MCC: variants seen among roughly 807,000 people sequenced by gnomAD.
MCC encodes MCC regulator of Wnt signaling pathway.
Under a neutral mutation model 116.2 loss-of-function variants are expected in MCC, and 90 were observed. That is an observed-to-expected ratio of 0.77 (90% CI 0.65 to 0.92). The LOEUF (loss-of-function observed/expected upper bound fraction) is 0.92. Among genes scored for constraint, MCC ranks in the 40% least tolerant of loss-of-function variants. The pLI, the probability that MCC is intolerant of heterozygous loss-of-function variation, is 0.00. For synonymous variants in MCC, 578 were observed against 510.5 expected (o/e 1.13, Z -1.78); for missense variants, 1,516 against 1,312.2 (o/e 1.16, Z -2.40).
chr5:113,181,779 C>G (rs1761640720), intron 3 of MCC, among the ~76,000 whole-genome samples: 1 of 152,074 alleles, frequency 6.6e-6, no homozygotes, highest in Non-Finnish European at 1.5e-5. Context: ...ATTACAAAAC[C>G]AAAAATAGAA....
Position 113,053,976 on chromosome 5 carries a change from A to G in MCC, c.2214-17T>C, listed in dbSNP as rs1752653648. The G allele has an allele frequency of 6.4e-7, 1 of 1,562,622 alleles. No individual in the cohort carries two copies. The highest frequency in any genetic ancestry group is 1.4e-5 in the African/African-American group (1 of 73,828). On this transcript the variant is annotated splice_polypyrimidine_tract_variant and intron_variant, in intron 14 of 18. Transcript: ENST00000408903. ...CTGGTTGTGCTGAGAAAGAAGAAAA[A>G]CAAAGACCCACCACCCTGTGTTATT... is the stretch of plus-strand genomic sequence containing the variant.
intron 16 of MCC, among the ~76,000 whole-genome samples, chr5:113,045,314 G>A (rs961365509): frequency 5.3e-5 from 8 of 151,834 alleles, no homozygotes; most frequent in African/African-American, 1.9e-4. Context: ...GCTTTTTAAA[G>A]AAGCATAAGC....
chr5:113,424,182 C>CACATTCT (rs1177459250), intron 1 of MCC, among the ~76,000 whole-genome samples: 11 of 149,054 alleles, frequency 7.4e-5, no homozygotes, highest in Non-Finnish European at 3.0e-5. Context: ...CACACACACA[C>CACATTCT]ACATTCTAAT....
At chr5:113,119,481 G>A (rs1757607617) in intron 6 of MCC, among the ~76,000 whole-genome samples, 1 of 152,220 alleles carries the variant, frequency 6.6e-6, no homozygotes, top group African/African-American at 2.4e-5. Context: ...TGGAGGAACA[G>A]CAAGCCAGGA....
intron 1 of MCC, among the ~76,000 whole-genome samples, chr5:113,465,095 ATTT>A (rs1554085849): frequency 6.8e-6 from 1 of 146,882 alleles, no homozygotes; most frequent in Admixed American, 6.8e-5. Flanking sequence ...AATAGCCAAG[ATTT>A]TTTTTTTTGT....
intron 5 of MCC, among the ~76,000 whole-genome samples, chr5:113,142,468 G>A (rs1259776190): frequency 6.6e-6 from 1 of 151,860 alleles, no homozygotes; most frequent in African/African-American, 2.4e-5. Context: ...AGACTTAGAG[G>A]CCAAGTGATT....
intron 3 of MCC, among the ~76,000 whole-genome samples, chr5:113,224,827 A>G (rs1581274703): frequency 6.6e-6 from 1 of 152,298 alleles, no homozygotes; most frequent in African/African-American, 2.4e-5. Flanking sequence ...AAACAATCCA[A>G]CCAGGGAATA....
intron 16 of MCC, chr5:113,048,731 T>A (rs560921198): frequency 2.3e-5 from 9 of 397,810 alleles, no homozygotes; most frequent in Admixed American, 8.5e-5. Context: ...ATATCACCTG[T>A]GGATAAAGGG....
At chr5:113,365,546 A>G (rs538327919) in intron 2 of MCC, among the ~76,000 whole-genome samples, 1 of 152,274 alleles carries the variant, frequency 6.6e-6, no homozygotes, top group African/African-American at 2.4e-5. Flanking sequence ...ACCTCTGCCC[A>G]TTACCCAGTT....
intron 1 of MCC, among the ~76,000 whole-genome samples, chr5:113,413,749 GTTTT>G (rs1027531635): frequency 3.3e-5 from 5 of 152,004 alleles, no homozygotes; most frequent in Non-Finnish European, 7.4e-5. Context: ...TTTTTGAAGG[GTTTT>G]TTTGTGTCTC....
intron 8 of MCC, among the ~76,000 whole-genome samples, chr5:113,098,809 G>A (rs2150252805): frequency 6.6e-6 from 1 of 152,244 alleles, no homozygotes; most frequent in South Asian, 2.1e-4. Context: ...AAGAAAAAAA[G>A]AAAAAGAAAG....
At chr5:113,416,959 T>C (rs1230402834) in intron 1 of MCC, among the ~76,000 whole-genome samples, 2 of 150,690 alleles carry the variant, frequency 1.3e-5, no homozygotes, top group East Asian at 1.9e-4. Context: ...TTTCTTACCA[T>C]GTGAATTGCC....
intron 11 of MCC, among the ~76,000 whole-genome samples, chr5:113,081,073 AC>A (rs553582441): frequency 2.0e-5 from 3 of 151,510 alleles, no homozygotes; most frequent in African/African-American, 7.3e-5. Flanking sequence ...GGTAGGGATG[AC>A]CCCCCCTCCC....
chr5:113,109,489 G>A (rs917758975), intron 6 of MCC, among the ~76,000 whole-genome samples: 1 of 152,094 alleles, frequency 6.6e-6, no homozygotes, highest in Non-Finnish European at 1.5e-5. Flanking sequence ...ACCGGGGTGG[G>A]GGTGATGCGA....
Position 113,148,274 on chromosome 5 carries a change from T to C in MCC, c.741+3035A>G, listed in dbSNP as rs186577402. Reference sequence around the variant, plus strand: ...AGCCAGTAAGTTTATGGCAATTTATTATACAGCAATAGAAAATTAATACAG... The same window carrying C: ...AGCCAGTAAGTTTATGGCAATTTATCATACAGCAATAGAAAATTAATACAG... On this transcript the variant is annotated intron_variant, in intron 4 of 18. Transcript: ENST00000408903. 2.9e-4 allele frequency among the ~76,000 whole-genome samples: 44 copies of C among 152,372 alleles called. No individual in the cohort carries two copies. The East Asian group carries it at 8.3e-3, about 29-fold the overall frequency.
intron 1 of MCC, among the ~76,000 whole-genome samples, chr5:113,426,996 A>T (rs535396392): frequency 6.6e-6 from 1 of 152,318 alleles, no homozygotes; most frequent in African/African-American, 2.4e-5. Flanking sequence ...AACTCAAGGT[A>T]TATGAATTTA....
At chr5:113,219,416 T>C (rs1763456714) in intron 3 of MCC, among the ~76,000 whole-genome samples, 1 of 152,236 alleles carries the variant, frequency 6.6e-6, no homozygotes, top group African/African-American at 2.4e-5. Context: ...AATTCAATGA[T>C]CAGCTGCTAT....
At chr5:113,071,052 T>G in intron 12 of MCC, 42 bp downstream of exon 12, 1 of 1,594,360 alleles carries the variant, frequency 6.3e-7, no homozygotes. Context: ...CTGGATGCAC[T>G]TCTACCCTGA....
chr5:113,128,287 C>A (rs1323340148), intron 5 of MCC, among the ~76,000 whole-genome samples: 4 of 152,364 alleles, frequency 2.6e-5, no homozygotes, highest in Admixed American at 2.6e-4. Flanking sequence ...AGCTGTCAAG[C>A]TGTCAGTCAG....
Sources: allele counts gnomAD v4.1 joint callset (sites outside exome capture counted in the v4.1 genomes callset), GRCh38; gene constraint gnomAD v4.1.1; transcripts MANE v1.5; gene names NCBI Gene and HGNC (gene_info 2026-07-23, HGNC 2026-07-21).